The following TXLNB variants were observed in gnomAD, a reference collection of about 807,000 sequenced individuals.
TXLNB encodes taxilin beta, also known as beta-taxilin.
TXLNB carries 37 observed loss-of-function variants against 57.4 expected under a neutral mutation model. The observed-to-expected ratio is 0.64, with a 90% CI of 0.50 to 0.85. The LOEUF (loss-of-function observed/expected upper bound fraction) is 0.85, where lower values mean the gene tolerates loss of function less well. Ranked by LOEUF, TXLNB falls within the 40% of genes least tolerant of loss-of-function variation. The pLI is 0.00. For synonymous variants in TXLNB, 302 were observed against 309.6 expected (o/e 0.98, Z 0.26); for missense variants, 848 against 825.6 (o/e 1.03, Z -0.33).
At chr6:139,249,513 T>C (rs891008455) in intron 7 of TXLNB, among the ~76,000 whole-genome samples, 1 of 152,196 alleles carries the variant, frequency 6.6e-6, no homozygotes, top group African/African-American at 2.4e-5. Flanking sequence ...GGTTATCAGC[T>C]GGAAGGAAGG....
the TXLNB span, among the ~76,000 whole-genome samples, chr6:139,159,939 G>C: frequency 6.6e-6 from 1 of 152,150 alleles, no homozygotes; most frequent in Non-Finnish European, 1.5e-5. Context: ...GGTTTATGGG[G>C]CTCCTCAGTG....
At chr6:139,231,430 C>T in the TXLNB span, among the ~76,000 whole-genome samples, 56 of 152,264 alleles carry the variant, frequency 3.7e-4, no homozygotes, top group African/African-American at 1.3e-3. Context: ...GGTCGTGAAA[C>T]ACTTTGCTTA....
chr6:139,322,695 A>T, the TXLNB span, among the ~76,000 whole-genome samples: 1 of 152,218 alleles, frequency 6.6e-6, no homozygotes, highest in Non-Finnish European at 1.5e-5. Flanking sequence ...CATCCAAATT[A>T]TCTTAGTAAC....
At chr6:139,233,778 A>C in the TXLNB span, among the ~76,000 whole-genome samples, 1 of 152,210 alleles carries the variant, frequency 6.6e-6, no homozygotes, top group Non-Finnish European at 1.5e-5. Flanking sequence ...GAACTAATAT[A>C]GTAAATTGTT....
the TXLNB span, among the ~76,000 whole-genome samples, chr6:139,214,257 A>G: frequency 1.3e-5 from 2 of 152,260 alleles, no homozygotes; most frequent in African/African-American, 2.4e-5. Context: ...GAATCCAGCA[A>G]CACATCAAAA....
At chr6:139,296,931 A>G (rs1562294217), upstream of TXLNB, among the ~76,000 whole-genome samples, 1 of 152,234 alleles carries the variant, frequency 6.6e-6, no homozygotes, top group East Asian at 1.9e-4. Context: ...CAGCCAACAA[A>G]CCATCCTACT....
chr6:139,231,090 T>C, the TXLNB span, among the ~76,000 whole-genome samples: 1 of 152,148 alleles, frequency 6.6e-6, no homozygotes, highest in Non-Finnish European at 1.5e-5. Flanking sequence ...CAAATATTCA[T>C]ACGTACCCTC....
chr6:139,206,193 A>G, the TXLNB span, among the ~76,000 whole-genome samples: 1 of 152,246 alleles, frequency 6.6e-6, no homozygotes, highest in Non-Finnish European at 1.5e-5. Flanking sequence ...GTCTTGAAAC[A>G]AAACCTGAAA....
chr6:139,210,976 C>T, the TXLNB span, among the ~76,000 whole-genome samples: 22,863 of 152,222 alleles, frequency 0.15, 1,925 homozygotes, highest in East Asian at 0.26. Flanking sequence ...GTAAACAAAG[C>T]GGCAGGAAGC....
chr6:139,319,663 C>A, the TXLNB span, among the ~76,000 whole-genome samples: 1 of 151,996 alleles, frequency 6.6e-6, no homozygotes, highest in Non-Finnish European at 1.5e-5. Context: ...ATTTGGGAGG[C>A]TGAGGCAGGA....
chr6:139,177,363 C>T, the TXLNB span: 1 of 287,688 alleles, frequency 3.5e-6, no homozygotes, highest in Non-Finnish European at 6.5e-6. The surrounding 1 kb of genome is among the most constrained non-coding windows in gnomAD (Gnocchi z 4.9). Context: ...ATCTTTGATG[C>T]AGCTTTAAGA....
chr6:139,298,884 ACT>A, the TXLNB span, among the ~76,000 whole-genome samples: 5 of 152,150 alleles, frequency 3.3e-5, no homozygotes, highest in Non-Finnish European at 5.9e-5. Context: ...TTCCACAAGA[ACT>A]GATTGCTAAA....
At chr6:139,172,450 A>T in the TXLNB span, among the ~76,000 whole-genome samples, 1 of 152,018 alleles carries the variant, frequency 6.6e-6, no homozygotes, top group African/African-American at 2.4e-5. Flanking sequence ...CTGTCTCTGG[A>T]CTTCGTTTGC....
At chr6:139,309,183 T>C in the TXLNB span, among the ~76,000 whole-genome samples, 1 of 152,230 alleles carries the variant, frequency 6.6e-6, no homozygotes, top group African/African-American at 2.4e-5. Context: ...CCCAGAATTA[T>C]GGGAAGAGGT....
the TXLNB span, among the ~76,000 whole-genome samples, chr6:139,181,323 C>G: frequency 6.6e-6 from 1 of 152,218 alleles, no homozygotes; most frequent in Non-Finnish European, 1.5e-5. Flanking sequence ...CATGGTCACC[C>G]TAAATGGAAA....
At chr6:139,261,094 T>G (rs1214483332) in intron 5 of TXLNB, among the ~76,000 whole-genome samples, 1 of 152,120 alleles carries the variant, frequency 6.6e-6, no homozygotes, top group Non-Finnish European at 1.5e-5. Context: ...CAAGAGAAAC[T>G]TCCAACTCTA....
intron 2 of TXLNB, chr6:139,283,189 G>C (rs756173150): frequency 4.9e-5 from 7 of 142,768 alleles, no homozygotes; most frequent in Admixed American, 3.4e-4. Context: ...TTTATTGTAG[G>C]AGAAAGTGCA....
At chr6:139,296,041 C>CA (rs1482748910), upstream of TXLNB, among the ~76,000 whole-genome samples, 1 of 152,084 alleles carries the variant, frequency 6.6e-6, no homozygotes, top group Non-Finnish European at 1.5e-5. Flanking sequence ...TTGACCCCCC[C>CA]CTCCTCCAGC....
At chr6:139,209,047 A>G in the TXLNB span, among the ~76,000 whole-genome samples, 5 of 152,164 alleles carry the variant, frequency 3.3e-5, no homozygotes, top group Non-Finnish European at 7.4e-5. Context: ...AACCCTAAAG[A>G]CTCATTCAAA....
Sources: allele counts gnomAD v4.1 joint callset (sites outside exome capture counted in the v4.1 genomes callset), GRCh38; gene constraint gnomAD v4.1.1; non-coding constraint Gnocchi (gnomAD v3.1); transcripts MANE v1.5; gene names NCBI Gene and HGNC (gene_info 2026-07-23, HGNC 2026-07-21).